C16orf74: variants seen among roughly 807,000 people sequenced by gnomAD.
C16orf74 encodes the protein calcimembrin.
A neutral mutation model predicts 6.5 loss-of-function variants in C16orf74; 10 were observed. The ratio of observed to expected loss-of-function variants is 1.54; its 90% confidence interval spans 0.95 to 2.61. C16orf74 has a LOEUF of 2.61. Ranked by LOEUF, C16orf74 falls within the 30% of genes most tolerant of loss-of-function variation. The probability of loss-of-function intolerance (pLI) is 0.00; values close to 1 mark genes in which losing one functional copy is unlikely to be tolerated. For missense variants in C16orf74, 141 were observed against 105.9 expected (o/e 1.33, Z -1.45); for synonymous variants, 60 against 42.5 (o/e 1.41, Z -1.60).
chr16:85,750,463 G>A (rs1310941607), intron 1 of C16orf74, among the ~76,000 whole-genome samples: 1 of 152,194 alleles, frequency 6.6e-6, no homozygotes, highest in Non-Finnish European at 1.5e-5. Context: ...GAGCGCAGGG[G>A]GGCCCCTAAG....
At chr16:85,741,126 C>T (rs2054302267) in intron 1 of C16orf74, among the ~76,000 whole-genome samples, 1 of 152,206 alleles carries the variant, frequency 6.6e-6, no homozygotes, top group African/African-American at 2.4e-5. Flanking sequence ...TGAGAGTCTG[C>T]GCAATGCCTG....
chr16:85,750,115 C>G (rs1168204743), intron 1 of C16orf74, among the ~76,000 whole-genome samples: 1 of 152,220 alleles, frequency 6.6e-6, no homozygotes, highest in African/African-American at 2.4e-5. Context: ...GTTTCCTAAC[C>G]TGTACATTGA....
intron 2 of C16orf74, among the ~76,000 whole-genome samples, chr16:85,728,041 G>C (rs948745565): frequency 6.6e-6 from 1 of 151,750 alleles, no homozygotes; most frequent in Non-Finnish European, 1.5e-5. Context: ...GGGAGGCTGA[G>C]GCAGGAGAAC....
intron 2 of C16orf74, among the ~76,000 whole-genome samples, chr16:85,728,138 T>C (rs1358387716): frequency 6.6e-6 from 1 of 152,052 alleles, no homozygotes; most frequent in African/African-American, 2.4e-5. Context: ...AGTGAGATCC[T>C]GTCTCAAAAA....
chr16:85,733,740 A>G (rs2054215170), intron 2 of C16orf74, among the ~76,000 whole-genome samples: 1 of 151,328 alleles, frequency 6.6e-6, no homozygotes, highest in African/African-American at 2.4e-5. Flanking sequence ...ACATCTCCCC[A>G]CTCCTCTGTG....
intron 1 of C16orf74, among the ~76,000 whole-genome samples, 161 bp downstream of exon 1, chr16:85,750,765 G>T (rs1177108197): frequency 1.3e-5 from 2 of 152,150 alleles, no homozygotes; most frequent in African/African-American, 4.8e-5. Context: ...GAAGTTGGGG[G>T]GACGCCCGGG....
intron 1 of C16orf74, chr16:85,741,515 A>C (rs1350831439): frequency 6.0e-6 from 1 of 166,490 alleles, no homozygotes; most frequent in Non-Finnish European, 1.5e-5. Context: ...TGCAGCATCG[A>C]GGGTGGTCAC....
intron 2 of C16orf74, among the ~76,000 whole-genome samples, chr16:85,727,895 T>G (rs2054149969): frequency 6.7e-6 from 1 of 149,584 alleles, no homozygotes; most frequent in African/African-American, 2.5e-5. Context: ...TCCTAGCACC[T>G]TGGGAGGTCC....
intron 1 of C16orf74, among the ~76,000 whole-genome samples, chr16:85,742,855 T>A (rs982815788): frequency 6.6e-6 from 1 of 152,214 alleles, no homozygotes; most frequent in Non-Finnish European, 1.5e-5. Flanking sequence ...CCTCTTTTCT[T>A]TATAAATTAT....
intron 1 of C16orf74, among the ~76,000 whole-genome samples, chr16:85,748,722 G>A (rs2054401799): frequency 6.6e-6 from 1 of 152,168 alleles, no homozygotes; most frequent in African/African-American, 2.4e-5. Context: ...TTTCTTATCA[G>A]ACTTAAAGGG....
chr16:85,748,495 T>G (rs368916500), intron 1 of C16orf74, among the ~76,000 whole-genome samples: 5 of 151,596 alleles, frequency 3.3e-5, no homozygotes, highest in African/African-American at 9.7e-5. Context: ...CTACTCAGGA[T>G]GCTGAGGCAG....
chr16:85,745,583 GA>G (rs59290388), intron 1 of C16orf74, among the ~76,000 whole-genome samples: 6,908 of 151,260 alleles, frequency 0.046, 369 homozygotes, highest in Admixed American at 0.17. Context: ...CAAAGACAGA[GA>G]ATCTCCCGCT....
rs531574588 is a variant in C16orf74, at chr16:85,723,778, T to C, written c.28+11412A>G. Among the ~76,000 whole-genome samples, 555 of 152,302 alleles carry C rather than the reference T, an allele frequency of 3.6e-3. 1 individual carries two copies. Among genetic ancestry groups the C allele is most frequent in the African/African-American group, 0.013 (524 of 41,580 alleles). ...TGCAGCTGTGGGAAAGGGTGGGCAGTACTGTGGGGCTGACAGGAGCCATCC... is the reference window on the plus strand; with the variant it reads ...TGCAGCTGTGGGAAAGGGTGGGCAGCACTGTGGGGCTGACAGGAGCCATCC... On this transcript the variant is annotated intron_variant, in intron 2 of 3. Coordinates refer to ENST00000284245, the MANE Select transcript of C16orf74 (RefSeq NM_206967.3).
At chr16:85,726,024 G>A (rs1234764936) in intron 2 of C16orf74, among the ~76,000 whole-genome samples, 1 of 152,048 alleles carries the variant, frequency 6.6e-6, no homozygotes, top group Non-Finnish European at 1.5e-5. Context: ...AGTGTGCTTG[G>A]TCCTGACTCA....
chr16:85,709,896 C>T (rs981518667), intron 3 of C16orf74, among the ~76,000 whole-genome samples: 4 of 151,112 alleles, frequency 2.6e-5, no homozygotes, highest in Admixed American at 1.3e-4. Context: ...CGCGGCGTGG[C>T]GGGCCAGCCC....
In C16orf74 at chr16:85,708,655, G is replaced by A. The variant is rs142869611; in HGVS notation, c.173-589C>T. ...GTGAAAAGCATTTAGCCTGGTGCCA[G>A]GCACTTGGAAAGGTCACAGAGGAAT... On this transcript the variant is annotated intron_variant, in intron 3 of 3. Coordinates refer to ENST00000284245, the MANE Select transcript of C16orf74 (RefSeq NM_206967.3). Among the ~76,000 whole-genome samples, 852 of 152,332 alleles carry A rather than the reference G, an allele frequency of 5.6e-3. 4 individuals are homozygous for A. The highest frequency in any genetic ancestry group is 0.02 in the African/African-American group (818 of 41,570).
rs773682879 is a variant in C16orf74 at position 85,735,302 on chromosome 16, G to A, written c.-18-67C>T. 31 of 1,249,092 alleles carry A rather than the reference G, an allele frequency of 2.5e-5. 1 individual carries two copies. In the Middle Eastern group the frequency reaches 9.7e-4, roughly 39 times the overall value. The allele number at this position is 1,249,092 out of a possible 1,614,324, so 77.4% of individuals were successfully genotyped here. On this transcript the variant is annotated intron_variant, in intron 1 of 3. Coordinates refer to ENST00000284245, the MANE Select transcript of C16orf74 (RefSeq NM_206967.3). ...TTGTTTGTATTGGCCACGTGCAGCC[G>A]GGCCCCCACCCTTGGCCCTGATGAG...
Position 85,710,209 on chromosome 16 carries a change from G to A in C16orf74, c.127C>T (p.Pro43Ser). The A allele has an allele frequency of 6.7e-7, 1 of 1,497,878 alleles. No individual in the cohort carries two copies. The highest frequency in any genetic ancestry group is 1.4e-5 in the South Asian group (1 of 71,626). The allele number at this position is 1,497,878 out of a possible 1,614,324, so 92.8% of individuals were successfully genotyped here. A position where few individuals can be genotyped will look rare whatever the true frequency, so the allele number is the denominator to read the frequency against. Reference sequence around the variant, plus strand: ...GGCAGCATCATGCCCGTGGGGGTGGGGGGCGTGATGATGATGTCGGGCACG... The same window carrying A: ...GGCAGCATCATGCCCGTGGGGGTGGAGGGCGTGATGATGATGTCGGGCACG... ...LDVPDIIITPPTPTGMMLPRD... is the reference protein window; with the variant it reads ...LDVPDIIITPSTPTGMMLPRD... Residue 43 changes from proline to serine, a missense_variant, in exon 3 of 4, where the codon CCC becomes TCC. Physicochemically the swap from Pro to Ser is moderately conservative, Grantham distance 74. Coordinates refer to ENST00000284245, the MANE Select transcript of C16orf74 (RefSeq NM_206967.3).
chr16:85,748,463 T>A (rs970726266), intron 1 of C16orf74, among the ~76,000 whole-genome samples: 5 of 151,896 alleles, frequency 3.3e-5, no homozygotes, highest in Admixed American at 2.0e-4. Flanking sequence ...CCGGGCATGG[T>A]GGCACGCACC....
Sources: gnomAD v4.1 joint callset for allele counts (sites outside exome capture counted in the v4.1 genomes callset) on GRCh38, gnomAD v4.1.1 for gene constraint, MANE v1.5 for transcripts, NCBI Gene and HGNC (gene_info 2026-07-23, HGNC 2026-07-21) for gene names.